The following CELF4 variants were observed in gnomAD, a reference collection of about 807,000 sequenced individuals.
The protein encoded by CELF4 is CUG-BP- and ETR-3-like factor 4.
Under a neutral mutation model 59.9 loss-of-function variants are expected in CELF4, and 18 were observed. The ratio of observed to expected loss-of-function variants is 0.30; its 90% CI spans 0.21 to 0.45. The LOEUF (loss-of-function observed/expected upper bound fraction) is 0.45, where lower values mean the gene tolerates loss of function less well. CELF4 is among the 20% of genes least tolerant of loss of function. The probability of loss-of-function intolerance (pLI) is 1.00; values close to 1 mark genes in which losing one functional copy is unlikely to be tolerated. For missense variants in CELF4, 456 were observed against 689.0 expected, an observed-to-expected ratio of 0.66 and a Z score of 3.79; for synonymous variants, 261 against 267.1, an observed-to-expected ratio of 0.98 and a Z score of 0.22.
At chr18:37,338,759 C>CGA (rs1557282750) in intron 2 of CELF4, among the ~76,000 whole-genome samples, 3 of 145,660 alleles carry the variant, frequency 2.1e-5, no homozygotes, top group Non-Finnish European at 4.5e-5. Context: ...ATGCAGGAGC[C>CGA]GTGTGTGTGT....
At chr18:37,303,443 AT>A (rs2096203888) in intron 3 of CELF4, among the ~76,000 whole-genome samples, 1 of 152,164 alleles carries the variant, frequency 6.6e-6, no homozygotes, top group African/African-American at 2.4e-5. Flanking sequence ...TTTAAAGTAT[AT>A]TTTAAAGGTC....
At chr18:37,483,095 G>A (rs1193369599) in intron 2 of CELF4, among the ~76,000 whole-genome samples, 1 of 152,138 alleles carries the variant, frequency 6.6e-6, no homozygotes, top group Admixed American at 6.6e-5. Context: ...AGCCACAGCT[G>A]GCAGGATCGC....
intron 2 of CELF4, among the ~76,000 whole-genome samples, chr18:37,418,733 G>A (rs1362366119): frequency 6.6e-6 from 1 of 152,218 alleles, no homozygotes; most frequent in East Asian, 1.9e-4. Flanking sequence ...TAAAGCACAT[G>A]TCAGACAGGA....
chr18:37,328,984 G>A (rs757189763), intron 2 of CELF4, among the ~76,000 whole-genome samples: 6 of 152,150 alleles, frequency 3.9e-5, no homozygotes, highest in Non-Finnish European at 7.3e-5. Context: ...ATTTGTCGTG[G>A]TATTTTTTTT....
intron 2 of CELF4, among the ~76,000 whole-genome samples, chr18:37,373,868 A>G (rs651901): frequency 0.86 from 130,749 of 152,256 alleles, 56,367 homozygotes; most frequent in African/African-American, 0.93. Context: ...CATTCCCAAT[A>G]CCACAGCCTC....
chr18:37,369,820 C>G (rs532733204), intron 2 of CELF4, among the ~76,000 whole-genome samples: 1 of 152,372 alleles, frequency 6.6e-6, no homozygotes, highest in East Asian at 1.9e-4. Context: ...TGTGTTCATA[C>G]TCTCTGTGCC....
intron 1 of CELF4, among the ~76,000 whole-genome samples, chr18:37,540,672 C>G (rs574378576): frequency 7.2e-5 from 11 of 152,188 alleles, no homozygotes; most frequent in Non-Finnish European, 1.5e-4. Flanking sequence ...AGTTCCCGCT[C>G]TCCCTGCTGC....
chr18:37,446,207 T>A (rs1162499785), intron 2 of CELF4, among the ~76,000 whole-genome samples: 1 of 152,186 alleles, frequency 6.6e-6, no homozygotes, highest in Non-Finnish European at 1.5e-5. Context: ...GCAGACTGCA[T>A]AAATGCTACA....
intron 2 of CELF4, among the ~76,000 whole-genome samples, chr18:37,344,517 T>C: frequency 6.6e-6 from 1 of 152,254 alleles, no homozygotes; most frequent in East Asian, 1.9e-4. Context: ...GCATTATACC[T>C]TGGCTATAGC....
In CELF4 at chr18:37,244,089, A is replaced by C. The variant is rs1431383519; in HGVS notation, c.*1153T>G. 6.4e-6 allele frequency: 1 copy of C among 155,376 alleles called. No individual in the cohort carries two copies. Among genetic ancestry groups the C allele is most frequent in the Non-Finnish European group, 1.4e-5 (1 of 69,900 alleles). 9.6% of individuals were successfully genotyped at this position (155,376 alleles called of 1,614,324 possible). A position where few individuals can be genotyped will look rare whatever the true frequency, so the allele number is the denominator to read the frequency against. ...GATTGATGCTCTGTCTAAACTCTAC[A>C]AAAGTACAGTCCTACAACATCTGGG... On this transcript the variant is annotated 3_prime_UTR_variant, in exon 13 of 13. Coordinates refer to ENST00000420428, the MANE Select transcript of CELF4 (RefSeq NM_020180.4).
intron 2 of CELF4, among the ~76,000 whole-genome samples, chr18:37,460,478 A>G (rs1250088921): frequency 6.6e-6 from 1 of 152,202 alleles, no homozygotes; most frequent in Non-Finnish European, 1.5e-5. Context: ...TGGAATGGCC[A>G]GAAGTTCAGC....
intron 12 of CELF4, chr18:37,247,633 GCACA>G (rs952049783): frequency 1.2e-4 from 18 of 151,276 alleles, no homozygotes; most frequent in East Asian, 5.9e-4. Flanking sequence ...ACACACACAC[GCACA>G]CACACACGCA....
intron 2 of CELF4, among the ~76,000 whole-genome samples, chr18:37,452,774 C>A (rs1407623004): frequency 6.6e-6 from 1 of 152,162 alleles, no homozygotes; most frequent in Non-Finnish European, 1.5e-5. Flanking sequence ...ATCACTCTGA[C>A]TTCTCCCTTT....
intron 12 of CELF4, chr18:37,247,425 G>A (rs2062709181): frequency 6.6e-6 from 1 of 150,680 alleles, no homozygotes; most frequent in Non-Finnish European, 1.5e-5. Flanking sequence ...AGTGTGGGAG[G>A]GCAGGGAGGG....
intron 2 of CELF4, among the ~76,000 whole-genome samples, chr18:37,463,898 G>A (rs1486195691): frequency 6.6e-6 from 1 of 152,026 alleles, no homozygotes; most frequent in Non-Finnish European, 1.5e-5. Flanking sequence ...TCCTGGCAGG[G>A]CCATCCAGGG....
intron 3 of CELF4, among the ~76,000 whole-genome samples, chr18:37,295,218 T>C (rs1281824770): frequency 6.6e-6 from 1 of 152,156 alleles, no homozygotes; most frequent in Non-Finnish European, 1.5e-5. Flanking sequence ...CCCGAATGAA[T>C]GAGGAGGGCT....
At chr18:37,470,854 GTGTGTGTGTGTGTGTGTGTGT>G in intron 2 of CELF4, among the ~76,000 whole-genome samples, 1 of 118,174 alleles carries the variant, frequency 8.5e-6, no homozygotes, top group Middle Eastern at 4.2e-3. Context: ...GTGTGTGTGT[GTGTGTGTGTGTGTGTGTGTGT>G]GTGTGTGTGT....
chr18:37,335,825 TC>T (rs1267923209), intron 2 of CELF4, among the ~76,000 whole-genome samples: 2 of 152,058 alleles, frequency 1.3e-5, no homozygotes, highest in Admixed American at 1.3e-4. Context: ...CGCCATCCTC[TC>T]CCTTTTCCTC....
chr18:37,356,674 C>G (rs951246944), intron 2 of CELF4, among the ~76,000 whole-genome samples: 1 of 152,190 alleles, frequency 6.6e-6, no homozygotes, highest in African/African-American at 2.4e-5. Flanking sequence ...AGTGGCTATG[C>G]TTGACATCTG....
Sources: gnomAD v4.1 joint callset for allele counts (sites outside exome capture counted in the v4.1 genomes callset) on GRCh38, gnomAD v4.1.1 for gene constraint, MANE v1.5 for transcripts, NCBI Gene and HGNC (gene_info 2026-07-23, HGNC 2026-07-21) for gene names.